ATP2A2: variants seen among roughly 807,000 people sequenced by gnomAD.
ATP2A2 encodes ATPase sarcoplasmic/endoplasmic reticulum Ca2+ transporting 2.
A neutral mutation model predicts 109.3 loss-of-function variants in ATP2A2; 14 were observed. That is an observed-to-expected ratio of 0.13 (90% CI 0.08 to 0.20). ATP2A2 has a LOEUF of 0.20. Ranked by LOEUF, ATP2A2 falls within the 10% of genes least tolerant of loss-of-function variation. The pLI, the probability that ATP2A2 is intolerant of heterozygous loss-of-function variation, is 1.00. For synonymous variants in ATP2A2, 506 were observed against 490.9 expected, an observed-to-expected ratio of 1.03 and a Z score of -0.41; for missense variants, 657 against 1,321.6, an observed-to-expected ratio of 0.50 and a Z score of 7.80.
intron 5 of ATP2A2, among the ~76,000 whole-genome samples, chr12:110,312,792 A>G (rs146849423): frequency 3.3e-5 from 5 of 150,984 alleles, no homozygotes; most frequent in African/African-American, 9.7e-5. Flanking sequence ...GGAAGCTGCA[A>G]TGAGCCTAGA....
intron 5 of ATP2A2, among the ~76,000 whole-genome samples, chr12:110,307,358 G>A (rs1055473832): frequency 6.6e-6 from 1 of 151,552 alleles, no homozygotes; most frequent in African/African-American, 2.4e-5. Flanking sequence ...AGCCTTCCAG[G>A]TTAGCTGGGA....
At chr12:110,285,880 C>G (rs529009928) in intron 3 of ATP2A2, among the ~76,000 whole-genome samples, 6 of 148,268 alleles carry the variant, frequency 4.0e-5, no homozygotes, top group Admixed American at 2.0e-4. Context: ...ATGTGTGTGT[C>G]TCTTTTCTTC....
At position 110,346,662 on chromosome 12, in the gene ATP2A2, A is replaced by AGTGT; in HGVS notation, c.*193_*196dup. Reference sequence around the variant, plus strand: ...TTTCCTTTTTTATACACATAATTAAAGTGTCCATTGACATGTACAGAGAAC... The same window carrying AGTGT: ...TTTCCTTTTTTATACACATAATTAAAGTGTGTGTCCATTGACATGTACAGAGAAC... On this transcript the variant is annotated 3_prime_UTR_variant, in exon 20 of 20. Coordinates refer to ENST00000539276, the MANE Select transcript of ATP2A2 (RefSeq NM_170665.4). 6.9e-7 allele frequency: 1 copy of AGTGT among 1,451,428 alleles called. No homozygotes were observed. Among genetic ancestry groups the AGTGT allele is most frequent in the Non-Finnish European group, 9.0e-7 (1 of 1,111,608 alleles). 89.9% of individuals were successfully genotyped at this position (1,451,428 alleles called of 1,614,324 possible).
chr12:110,309,457 C>T (rs1042894500), intron 5 of ATP2A2, among the ~76,000 whole-genome samples: 1 of 151,974 alleles, frequency 6.6e-6, no homozygotes, highest in African/African-American at 2.4e-5. Context: ...CATGCCCAGC[C>T]AGGAAACTAA....
At chr12:110,294,026 G>C (rs965593523) in intron 4 of ATP2A2, among the ~76,000 whole-genome samples, 1 of 151,100 alleles carries the variant, frequency 6.6e-6, no homozygotes, top group Non-Finnish European at 1.5e-5. Context: ...ATAGGTGACT[G>C]TCACCATGCC....
chr12:110,322,863 A>G (rs1877382751), intron 5 of ATP2A2, 129 bp from the exon 6 acceptor site: 2 of 748,612 alleles, frequency 2.7e-6, no homozygotes, highest in Non-Finnish European at 4.7e-6. Flanking sequence ...TTTTAACTGA[A>G]TTTTATGTAT....
At chr12:110,291,169 A>C (rs1024875464) in intron 3 of ATP2A2, among the ~76,000 whole-genome samples, 7 of 149,980 alleles carry the variant, frequency 4.7e-5, no homozygotes, top group African/African-American at 1.7e-4. Context: ...TGGCCTCCCA[A>C]AGTGCTGGAA....
Position 110,322,972 on chromosome 12 carries a change from C to CT in ATP2A2, c.464-12dup, listed in dbSNP as rs763444597. 6.8e-5 allele frequency: 107 copies of CT among 1,581,730 alleles called. No individual in the cohort carries two copies. The highest frequency in any genetic ancestry group is 8.5e-5 in the Non-Finnish European group (98 of 1,150,902). On this transcript the variant is annotated intron_variant, in intron 5 of 19. Coordinates refer to ENST00000539276, the MANE Select transcript of ATP2A2 (RefSeq NM_170665.4). ...TTTAAAAGTTGCTCATTTCAGCCGC[C>CT]TTTTTTTTCTCCTAATTAGTTGGTG...
At chr12:110,318,661 A>AT (rs781638128) in intron 5 of ATP2A2, among the ~76,000 whole-genome samples, 6 of 152,120 alleles carry the variant, frequency 3.9e-5, no homozygotes, top group Non-Finnish European at 8.8e-5. Flanking sequence ...TTTAGTAGAG[A>AT]TGGGGTTTCA....
chr12:110,327,918 T>C lies in ATP2A2; in HGVS notation c.996T>C (p.Ile332=), dbSNP rs757279201. 26 of 1,613,878 alleles carry C rather than the reference T, an allele frequency of 1.6e-5. No homozygotes were observed. In the African/African-American group the frequency reaches 2.8e-4, roughly 17 times the overall value. ...GTRRMAKKNA[I]VRSLPSVETL... The stretch of plus-strand genomic sequence containing the variant: ...GCAGAATGGCAAAGAAAAATGCCAT[T>C]GTTCGAAGCCTCCCGTCTGTGGAAA... Residue 332 remains isoleucine, a synonymous_variant, in exon 8 of 20, where the codon ATT becomes ATC. Transcript: ENST00000539276. The surrounding 1 kb of genome is among the most constrained non-coding windows in gnomAD (Gnocchi z 4.4).
intron 5 of ATP2A2, among the ~76,000 whole-genome samples, chr12:110,297,634 T>A (rs2137723465): frequency 6.6e-6 from 1 of 151,928 alleles, no homozygotes; most frequent in South Asian, 2.1e-4. Context: ...GTTTTGTTTT[T>A]TGAGATGGGA....
chr12:110,349,850 A>C lies in ATP2A2; in HGVS notation c.*3380A>C. ...AATGATGCGGAGGAGTTTCCTCTCC[A>C]GGGCTAGGCAAGGCAGGCGAGCAGC... is the stretch of plus-strand genomic sequence containing the variant. On this transcript the variant is annotated 3_prime_UTR_variant, in exon 20 of 20. Coordinates refer to ENST00000539276, the MANE Select transcript of ATP2A2 (RefSeq NM_170665.4). 1 of 1,049,436 alleles carries C rather than the reference A, an allele frequency of 9.5e-7. No individual in the cohort carries two copies. Among genetic ancestry groups the C allele is most frequent in the East Asian group, 7.7e-5 (1 of 13,048 alleles). 65.0% of individuals were successfully genotyped at this position (1,049,436 alleles called of 1,614,324 possible).
rs1872853040 is a variant in ATP2A2 at position 110,288,111 on chromosome 12, T to G, written c.220-3909T>G. Among the ~76,000 whole-genome samples the G allele has an allele frequency of 2.1e-5, 3 of 143,062 alleles. No individual in the cohort carries two copies. In the South Asian group the frequency reaches 7.0e-4, roughly 34 times the overall value. The allele number at this position is 143,062 out of a possible 152,430, so 93.9% of individuals were successfully genotyped here. A position where few individuals can be genotyped will look rare whatever the true frequency, so the allele number is the denominator to read the frequency against. On this transcript the variant is annotated intron_variant, in intron 3 of 19. Transcript: ENST00000539276. ...CCATCATGCTTTGCCCTTTTTTTTTTTTTTTTTTTTTTTTGAGGCAGAGTC... is the reference window on the plus strand; with the variant it reads ...CCATCATGCTTTGCCCTTTTTTTTTGTTTTTTTTTTTTTTGAGGCAGAGTC...
At chr12:110,336,288 G>C (rs1479967084) in intron 11 of ATP2A2, among the ~76,000 whole-genome samples, 1 of 152,204 alleles carries the variant, frequency 6.6e-6, no homozygotes, top group Non-Finnish European at 1.5e-5. Flanking sequence ...AGGTCTGGGG[G>C]AGGAGAGAGG....
intron 5 of ATP2A2, among the ~76,000 whole-genome samples, chr12:110,311,146 AT>A (rs777315129): frequency 5.3e-5 from 8 of 152,208 alleles, no homozygotes; most frequent in Non-Finnish European, 1.0e-4. Context: ...GGCTTTAAAC[AT>A]TTAGCAAACA....
intron 5 of ATP2A2, among the ~76,000 whole-genome samples, chr12:110,305,871 G>GTT (rs796817073): frequency 7.2e-6 from 1 of 139,142 alleles, no homozygotes; most frequent in Non-Finnish European, 1.6e-5. Context: ...AGGGATGTCT[G>GTT]TTTTTTTTTT....
At chr12:110,334,586 CTTTTTTTT>C (rs67776124) in intron 11 of ATP2A2, among the ~76,000 whole-genome samples, 3 of 114,538 alleles carry the variant, frequency 2.6e-5, no homozygotes, top group Non-Finnish European at 5.2e-5. Context: ...TCAATTAAAC[CTTTTTTTT>C]TTTTTTTTTT....
Position 110,348,609 on chromosome 12 carries a change from G to C in ATP2A2, c.*2139G>C. ...TGGTTGGGTGTGGTGGCTCATGCCT[G>C]TAAGTAAGTCTCAGCCCTTTGGAGG... On this transcript the variant is annotated 3_prime_UTR_variant, in exon 20 of 20. Coordinates refer to ENST00000539276, the MANE Select transcript of ATP2A2 (RefSeq NM_170665.4). 5.1e-6 allele frequency: 5 copies of C among 985,400 alleles called. No individual in the cohort carries two copies. The highest frequency in any genetic ancestry group is 6.0e-6 in the Non-Finnish European group (5 of 829,978). The allele number at this position is 985,400 out of a possible 1,614,324, so 61.0% of individuals were successfully genotyped here. A position where few individuals can be genotyped will look rare whatever the true frequency, so the allele number is the denominator to read the frequency against.
At chr12:110,280,710 T>G (rs1454594314), upstream of ATP2A2, 1 of 152,250 alleles carries the variant, frequency 6.6e-6, no homozygotes, top group Non-Finnish European at 1.5e-5. Context: ...ATGAAGGATT[T>G]GGGTTGTGTG....
Sources: gnomAD v4.1 joint callset for allele counts (sites outside exome capture counted in the v4.1 genomes callset) on GRCh38, gnomAD v4.1.1 for gene constraint, Gnocchi (gnomAD v3.1) non-coding constraint, MANE v1.5 for transcripts, NCBI Gene and HGNC (gene_info 2026-07-23, HGNC 2026-07-21) for gene names.